Variants in CSMD1 observed in about 807,000 individuals in gnomAD.
CSMD1 encodes CUB and sushi domain-containing protein 1.
A neutral mutation model predicts 417.5 loss-of-function variants in CSMD1; 213 were observed. The ratio of observed to expected loss-of-function variants is 0.51; its 90% CI spans 0.46 to 0.57. CSMD1 has a LOEUF of 0.57. Among genes scored for constraint, CSMD1 ranks in the 20% least tolerant of loss-of-function variants. The pLI is 0.00. For synonymous variants in CSMD1, 2,862 were observed against 1,736.8 expected (o/e 1.65, Z -16.11); for missense variants, 6,923 against 4,529.7 (o/e 1.53, Z -15.17).
At chr8:3,930,093 T>C (rs900687195) in intron 5 of CSMD1, among the ~76,000 whole-genome samples, 4 of 150,406 alleles carry the variant, frequency 2.7e-5, no homozygotes, top group Non-Finnish European at 5.9e-5. Context: ...CCTTGGAAGA[T>C]TATCTTTATT....
intron 30 of CSMD1, 23 bp from the exon 31 acceptor site, chr8:3,205,643 A>G (rs772729701): frequency 8.1e-6 from 10 of 1,227,512 alleles, no homozygotes; most frequent in Non-Finnish European, 1.1e-5. Flanking sequence ...TCAACCGAGA[A>G]TTAGTCGCTG....
At chr8:3,806,260 G>A (rs115465302) in intron 5 of CSMD1, among the ~76,000 whole-genome samples, 2,261 of 152,214 alleles carry the variant, frequency 0.015, 58 homozygotes, top group African/African-American at 0.051. Context: ...TTCACAGTAG[G>A]ATGGAAGGCC....
intron 2 of CSMD1, among the ~76,000 whole-genome samples, chr8:4,580,210 T>C (rs1799346446): frequency 1.3e-5 from 2 of 152,348 alleles, no homozygotes; most frequent in African/African-American, 4.8e-5. Flanking sequence ...GCTTGCCCCC[T>C]GCTGCCCTTC....
intron 2 of CSMD1, among the ~76,000 whole-genome samples, chr8:4,457,212 A>AG (rs1040220348): frequency 6.6e-6 from 1 of 152,100 alleles, no homozygotes; most frequent in Non-Finnish European, 1.5e-5. Flanking sequence ...TGTGGAGGGA[A>AG]GGGGGGAACT....
intron 1 of CSMD1, among the ~76,000 whole-genome samples, chr8:4,967,310 C>A (rs1484701080): frequency 6.6e-6 from 1 of 152,064 alleles, no homozygotes; most frequent in Non-Finnish European, 1.5e-5. Context: ...TTTAAGTTGT[C>A]CTTCTCTGAA....
intron 1 of CSMD1, among the ~76,000 whole-genome samples, chr8:4,725,876 G>C (rs1040528321): frequency 6.6e-6 from 1 of 152,140 alleles, no homozygotes; most frequent in African/African-American, 2.4e-5. Flanking sequence ...ACATCTTGTA[G>C]ACCCTGGTTG....
chr8:3,618,060 G>A (rs1446271167), intron 7 of CSMD1, among the ~76,000 whole-genome samples: 2 of 152,046 alleles, frequency 1.3e-5, no homozygotes, highest in Non-Finnish European at 2.9e-5. Context: ...GGAGTGCAGT[G>A]GCACAATCAT....
In CSMD1 at chr8:3,408,153, T is replaced by C. The variant is rs746425806; in HGVS notation, c.1817A>G (p.Asn606Ser). 6.2e-7 allele frequency: 1 copy of C among 1,613,232 alleles called. No individual in the cohort carries two copies. The highest frequency in any genetic ancestry group is 8.5e-7 in the Non-Finnish European group (1 of 1,179,536). Residue 606 changes from asparagine (N) to serine (S), a missense_variant, in exon 14 of 70, where the codon AAC (asparagine) becomes AGC (serine). By Grantham distance (46) the Asn-to-Ser change is conservative (BLOSUM62 1). Coordinates refer to ENST00000635120, the MANE Select transcript of CSMD1 (RefSeq NM_033225.6). Reference protein sequence around the residue: ...LSPNYPEEYGNNMNCVWLIIS... With the variant: ...LSPNYPEEYGSNMNCVWLIIS... ...AATCAACCAGACACAGTTCATGTTGTTCCCATATTCCTCTGGATAATTTGG... is the reference window on the plus strand; with the variant it reads ...AATCAACCAGACACAGTTCATGTTGCTCCCATATTCCTCTGGATAATTTGG...
intron 5 of CSMD1, among the ~76,000 whole-genome samples, chr8:3,825,783 C>G (rs930314696): frequency 1.3e-5 from 2 of 152,144 alleles, no homozygotes; most frequent in African/African-American, 2.4e-5. Context: ...AGAATATATT[C>G]AGGCTTAGTC....
chr8:3,443,584 A>C (rs1017284906), intron 12 of CSMD1, among the ~76,000 whole-genome samples: 5 of 152,222 alleles, frequency 3.3e-5, no homozygotes, highest in African/African-American at 4.8e-5. Flanking sequence ...TTAGAAGAGA[A>C]GGAAGCAGAA....
intron 49 of CSMD1, among the ~76,000 whole-genome samples, chr8:3,085,013 G>C (rs1474235026): frequency 1.3e-5 from 2 of 151,980 alleles, no homozygotes; most frequent in Non-Finnish European, 2.9e-5. Context: ...AAGAAGTCTT[G>C]CACAGGAAAT....
At chr8:4,501,143 C>T (rs1802240732) in intron 2 of CSMD1, among the ~76,000 whole-genome samples, 1 of 151,980 alleles carries the variant, frequency 6.6e-6, no homozygotes, top group Non-Finnish European at 1.5e-5. Flanking sequence ...TGATATCTCA[C>T]ATATATGTGT....
At chr8:3,593,858 C>G (rs187901686) in intron 8 of CSMD1, among the ~76,000 whole-genome samples, 174 of 152,268 alleles carry the variant, frequency 1.1e-3, no homozygotes, top group African/African-American at 3.9e-3. Flanking sequence ...CTATTTTTCT[C>G]TTTCCCTGCC....
chr8:4,289,901 T>G (rs1321290700), intron 3 of CSMD1, among the ~76,000 whole-genome samples: 1 of 152,194 alleles, frequency 6.6e-6, no homozygotes, highest in Non-Finnish European at 1.5e-5. Context: ...ATGAATCAAA[T>G]GGTACCTCTG....
chr8:4,538,296 T>C (rs1231306753), intron 2 of CSMD1, among the ~76,000 whole-genome samples: 2 of 151,990 alleles, frequency 1.3e-5, no homozygotes, highest in African/African-American at 2.4e-5. Flanking sequence ...CACTACGACA[T>C]TGCAAATATT....
chr8:4,483,686 G>T (rs950319065), intron 2 of CSMD1, among the ~76,000 whole-genome samples: 2 of 152,064 alleles, frequency 1.3e-5, no homozygotes, highest in Non-Finnish European at 2.9e-5. Flanking sequence ...TGTAAGAAAA[G>T]CACTGATTTT....
At chr8:4,757,117 A>G (rs1022236346) in intron 1 of CSMD1, among the ~76,000 whole-genome samples, 1 of 152,216 alleles carries the variant, frequency 6.6e-6, no homozygotes, top group Non-Finnish European at 1.5e-5. Flanking sequence ...CACAAACATA[A>G]GTCACATTAG....
intron 1 of CSMD1, among the ~76,000 whole-genome samples, chr8:4,725,690 A>G (rs1430682112): frequency 2.0e-5 from 3 of 152,186 alleles, no homozygotes; most frequent in Non-Finnish European, 4.4e-5. Flanking sequence ...TGCTTTTGGC[A>G]TCTTGAAGAA....
intron 5 of CSMD1, among the ~76,000 whole-genome samples, chr8:3,810,756 G>C (rs975999422): frequency 6.6e-6 from 1 of 152,128 alleles, no homozygotes; most frequent in Non-Finnish European, 1.5e-5. Context: ...TCCTGGCTTT[G>C]GCAATGATCA....
Sources: allele counts gnomAD v4.1 joint callset (sites outside exome capture counted in the v4.1 genomes callset), GRCh38; gene constraint gnomAD v4.1.1; transcripts MANE v1.5; gene names NCBI Gene and HGNC (gene_info 2026-07-23, HGNC 2026-07-21).